UTRN: variants seen among roughly 807,000 people sequenced by gnomAD.
UTRN encodes dystrophin-related protein 1.
UTRN carries 283 observed loss-of-function variants against 463.9 expected under a neutral mutation model. The ratio of observed to expected loss-of-function variants is 0.61; its 90% CI spans 0.55 to 0.67. UTRN has a LOEUF of 0.67. UTRN is among the 30% of genes least tolerant of loss of function. The pLI is 0.00. For missense variants in UTRN, 3,922 were observed against 4,084.3 expected (o/e 0.96, Z 1.08); for synonymous variants, 1,442 against 1,431.5 (o/e 1.01, Z -0.17).
intron 53 of UTRN, among the ~76,000 whole-genome samples, chr6:144,710,933 A>AT (rs1234107162): frequency 1.3e-5 from 2 of 152,132 alleles, no homozygotes; most frequent in Non-Finnish European, 2.9e-5. Context: ...CACACTCATT[A>AT]TTTTTTTCGT....
intron 2 of UTRN, among the ~76,000 whole-genome samples, chr6:144,329,332 C>T (rs12202138): frequency 1.8e-3 from 274 of 152,236 alleles, no homozygotes; most frequent in Admixed American, 2.9e-3. Context: ...CCGCCTGCCT[C>T]GGCCTCCCAA....
intron 58 of UTRN, among the ~76,000 whole-genome samples, chr6:144,763,501 C>T (rs188567735): frequency 6.6e-6 from 1 of 152,274 alleles, no homozygotes; most frequent in East Asian, 1.9e-4. Flanking sequence ...TGATCTTTAT[C>T]GCAGTCATAC....
chr6:144,458,762 C>T lies in UTRN; in HGVS notation c.2285-8C>T, dbSNP rs755144920. On this transcript the variant is annotated splice_region_variant and splice_polypyrimidine_tract_variant and intron_variant, in intron 19 of 74. Coordinates refer to ENST00000367545, the MANE Select transcript of UTRN (RefSeq NM_007124.3). ...TAGACTGTTTGCTTGTTTTTCATGTCTGCATAGAAGGCCTTCCTACTGAAG... is the reference window on the plus strand; with the variant it reads ...TAGACTGTTTGCTTGTTTTTCATGTTTGCATAGAAGGCCTTCCTACTGAAG... 1 of 1,574,164 alleles carries T rather than the reference C, an allele frequency of 6.4e-7. No individual in the cohort carries two copies. Among genetic ancestry groups the T allele is most frequent in the Admixed American group, 1.9e-5 (1 of 51,318 alleles).
chr6:144,683,639 T>C (rs1297215393), intron 52 of UTRN, among the ~76,000 whole-genome samples: 1 of 152,200 alleles, frequency 6.6e-6, no homozygotes, highest in Non-Finnish European at 1.5e-5. Flanking sequence ...CTCGAAACTT[T>C]TCCATCACTT....
At chr6:144,688,431 T>C (rs1045430828) in intron 52 of UTRN, among the ~76,000 whole-genome samples, 1 of 152,244 alleles carries the variant, frequency 6.6e-6, no homozygotes, top group Non-Finnish European at 1.5e-5. Context: ...TTTGGTGGTG[T>C]TAAAGAACCC....
intron 54 of UTRN, among the ~76,000 whole-genome samples, chr6:144,742,949 T>A (rs1039890819): frequency 1.3e-5 from 2 of 152,226 alleles, no homozygotes; most frequent in Non-Finnish European, 2.9e-5. Flanking sequence ...GTATTTGGAA[T>A]TACCATACCT....
intron 26 of UTRN, among the ~76,000 whole-genome samples, chr6:144,480,976 T>C (rs1002387105): frequency 1.3e-5 from 2 of 152,148 alleles, no homozygotes; most frequent in Non-Finnish European, 2.9e-5. Context: ...TTAAAAATAC[T>C]CAGTACATAA....
intron 51 of UTRN, among the ~76,000 whole-genome samples, chr6:144,628,006 G>A (rs1403086966): frequency 6.6e-6 from 1 of 151,936 alleles, no homozygotes; most frequent in Non-Finnish European, 1.5e-5. Context: ...TCACCATGTC[G>A]GTCAGGCTGG....
At chr6:144,423,657 G>A (rs753045349) in intron 5 of UTRN, 31 bp downstream of exon 5, 1 of 1,609,586 alleles carries the variant, frequency 6.2e-7, no homozygotes, top group Admixed American at 1.7e-5. Context: ...CTGGGGGTCT[G>A]TGCTGCCATC....
intron 51 of UTRN, 144 bp from the exon 52 acceptor site, chr6:144,678,262 A>G: frequency 1.3e-6 from 1 of 765,540 alleles, no homozygotes; most frequent in Non-Finnish European, 2.0e-6. Flanking sequence ...TATAATTTTC[A>G]GAATAATAAG....
chr6:144,723,337 G>C (rs1332312563), intron 53 of UTRN, among the ~76,000 whole-genome samples: 3 of 152,090 alleles, frequency 2.0e-5, no homozygotes, highest in Non-Finnish European at 4.4e-5. Flanking sequence ...AACAGATTGG[G>C]TGACTTTGTT....
chr6:144,619,702 CACAAAGTTAGATGG>C (rs1391550724), intron 51 of UTRN, among the ~76,000 whole-genome samples: 2 of 152,160 alleles, frequency 1.3e-5, no homozygotes, highest in East Asian at 1.9e-4. Flanking sequence ...AATTTTCTAA[CACAAAGTTAGATGG>C]ACAAAGTTAG....
chr6:144,681,762 C>G (rs1018388012), intron 52 of UTRN, among the ~76,000 whole-genome samples: 1 of 152,104 alleles, frequency 6.6e-6, no homozygotes, highest in African/African-American at 2.4e-5. Context: ...CAGCTTGAAG[C>G]TGTATCTGTA....
intron 58 of UTRN, among the ~76,000 whole-genome samples, chr6:144,760,894 AG>A (rs1260489213): frequency 1.7e-4 from 26 of 152,200 alleles, no homozygotes; most frequent in African/African-American, 6.0e-4. Context: ...GAATATGGCC[AG>A]AAAGTTGAAA....
chr6:144,724,752 A>G (rs1159228407), intron 53 of UTRN, among the ~76,000 whole-genome samples: 2 of 152,176 alleles, frequency 1.3e-5, no homozygotes, highest in Non-Finnish European at 2.9e-5. Flanking sequence ...ATGTTATAGC[A>G]CATATCAGTA....
In UTRN at chr6:144,771,840, C is replaced by T. The variant is rs114414811; in HGVS notation, c.8496-67C>T. 1,270 of 1,302,988 alleles carry T rather than the reference C, an allele frequency of 9.7e-4. 14 individuals are homozygous for T. In the African/African-American group the frequency reaches 0.011, roughly 11 times the overall value. 80.7% of individuals were successfully genotyped at this position (1,302,988 alleles called of 1,614,324 possible). On this transcript the variant is annotated intron_variant, in intron 58 of 74. Transcript: ENST00000367545. ...AAAAATCATTTCTACTTGGGTATTT[C>T]GTTTTTGGCCTATATGAAGTTTTTT...
chr6:144,539,460 T>A lies in UTRN; in HGVS notation c.6519+17T>A. 6.4e-7 allele frequency: 1 copy of A among 1,564,940 alleles called. No homozygotes were observed. Among genetic ancestry groups the A allele is most frequent in the Non-Finnish European group, 8.7e-7 (1 of 1,153,786 alleles). ...TGGAATAAGGTGTGTGTAAAGTTAC[T>A]ATCACACATTTCTCATATTTATTGA... On this transcript the variant is annotated intron_variant, in intron 45 of 74. Transcript: ENST00000367545.
At chr6:144,492,445 A>G (rs1363288541) in intron 32 of UTRN, among the ~76,000 whole-genome samples, 3 of 152,180 alleles carry the variant, frequency 2.0e-5, no homozygotes, top group Admixed American at 6.5e-5. Context: ...GATTGATGAC[A>G]TGTCTTTGCT....
intron 51 of UTRN, among the ~76,000 whole-genome samples, chr6:144,650,807 G>T (rs1319966993): frequency 6.6e-6 from 1 of 152,174 alleles, no homozygotes; most frequent in East Asian, 1.9e-4. Context: ...TACTCAGGAG[G>T]CTGAGACAGG....
Sources: allele counts gnomAD v4.1 joint callset (sites outside exome capture counted in the v4.1 genomes callset), GRCh38; gene constraint gnomAD v4.1.1; transcripts MANE v1.5; gene names NCBI Gene and HGNC (gene_info 2026-07-23, HGNC 2026-07-21).